Variants in MTHFD1L observed in about 807,000 individuals in gnomAD.
The protein encoded by MTHFD1L is monofunctional C1-tetrahydrofolate synthase, mitochondrial.
A neutral mutation model predicts 119.5 loss-of-function variants in MTHFD1L; 81 were observed. The ratio of observed to expected loss-of-function variants is 0.68; its 90% CI spans 0.57 to 0.82. MTHFD1L has a LOEUF of 0.82. Among genes scored for constraint, MTHFD1L ranks in the 40% least tolerant of loss-of-function variants. The probability of loss-of-function intolerance (pLI) is 0.00; values close to 1 mark genes in which losing one functional copy is unlikely to be tolerated. For missense variants in MTHFD1L, 1,125 were observed against 1,253.4 expected (o/e 0.90, Z 1.55); for synonymous variants, 430 against 475.2 (o/e 0.90, Z 1.24).
chr6:151,091,545 C>T (rs1794451263), intron 26 of MTHFD1L, among the ~76,000 whole-genome samples: 1 of 152,084 alleles, frequency 6.6e-6, no homozygotes, highest in South Asian at 2.1e-4. Flanking sequence ...CAGTTTTCAT[C>T]CTGTCTCCAC....
rs1286972037 is a variant in MTHFD1L, at chr6:151,044,311, C to CT, written c.2847+7202dup. ...GGGTACATTCTTTTTTTTTTTTTTT[C>CT]TTTTTTTTGAGACAGAGTCTCACTC... On this transcript the variant is annotated intron_variant, in intron 26 of 27. Transcript: ENST00000367321. Among the ~76,000 whole-genome samples, 28 of 109,850 alleles carry CT rather than the reference C, an allele frequency of 2.5e-4. 1 individual carries two copies. Among genetic ancestry groups the CT allele is most frequent in the East Asian group, 1.1e-3 (4 of 3,536 alleles). 72.1% of individuals were successfully genotyped at this position (109,850 alleles called of 152,430 possible). A position where few individuals can be genotyped will look rare whatever the true frequency, so the allele number is the denominator to read the frequency against.
intron 26 of MTHFD1L, among the ~76,000 whole-genome samples, chr6:151,045,645 T>G (rs1787891889): frequency 6.6e-6 from 1 of 152,136 alleles, no homozygotes; most frequent in Non-Finnish European, 1.5e-5. Context: ...CCTCACTTTG[T>G]TTGTGTCCCT....
chr6:151,014,437 C>T (rs760055362), intron 22 of MTHFD1L, among the ~76,000 whole-genome samples: 14 of 152,334 alleles, frequency 9.2e-5, no homozygotes, highest in Non-Finnish European at 1.6e-4. Flanking sequence ...GGTCTATATA[C>T]AGTTGGCTTT....
chr6:150,866,169 T>G (rs1778260454), intron 1 of MTHFD1L, 120 bp downstream of exon 1: 2 of 1,367,040 alleles, frequency 1.5e-6, no homozygotes, highest in Non-Finnish European at 1.9e-6. Context: ...TGGTGCCAAC[T>G]CATTAGGGGG....
At chr6:150,999,375 C>A (rs1780283221) in intron 20 of MTHFD1L, among the ~76,000 whole-genome samples, 1 of 152,130 alleles carries the variant, frequency 6.6e-6, no homozygotes, top group East Asian at 1.9e-4. Flanking sequence ...GTGTCCAGTT[C>A]TCAGGAGTTG....
chr6:150,989,479 G>T (rs1778764146), intron 20 of MTHFD1L, among the ~76,000 whole-genome samples: 1 of 152,172 alleles, frequency 6.6e-6, no homozygotes, highest in African/African-American at 2.4e-5. Context: ...TATTATTTAT[G>T]TACAGAATAA....
At chr6:150,890,717 C>T (rs530669352) in intron 7 of MTHFD1L, among the ~76,000 whole-genome samples, 4 of 152,036 alleles carry the variant, frequency 2.6e-5, no homozygotes, top group South Asian at 4.2e-4. Context: ...CAGAGCAGGA[C>T]GGAAAGTCTA....
rs148181190 is a variant in MTHFD1L, at chr6:151,006,908, C to T, written c.2126-2911C>T. Among the ~76,000 whole-genome samples, 92 of 152,018 alleles carry T rather than the reference C, an allele frequency of 6.1e-4. 1 individual carries two copies. The highest frequency in any genetic ancestry group is 8.2e-4 in the Non-Finnish European group (56 of 67,978). On this transcript the variant is annotated intron_variant, in intron 20 of 27. Transcript: ENST00000367321. The stretch of plus-strand genomic sequence containing the variant: ...CAACAATCTACCTCCAACTATAGGG[C>T]GACATTAAACAGTTTTTCAAAATAC...
chr6:151,042,406 T>G (rs1452097283), intron 26 of MTHFD1L, among the ~76,000 whole-genome samples: 1 of 152,220 alleles, frequency 6.6e-6, no homozygotes, highest in African/African-American at 2.4e-5. Flanking sequence ...ATCTTTGATA[T>G]GGGAAGAAAC....
intron 26 of MTHFD1L, among the ~76,000 whole-genome samples, chr6:151,079,255 T>C (rs1204455586): frequency 6.8e-6 from 1 of 147,086 alleles, no homozygotes; most frequent in African/African-American, 2.5e-5. Flanking sequence ...GGAGTAGGGG[T>C]AGTAGGATAT....
intron 26 of MTHFD1L, among the ~76,000 whole-genome samples, chr6:151,052,326 T>A (rs1789189401): frequency 6.6e-6 from 1 of 152,208 alleles, no homozygotes; most frequent in Admixed American, 6.5e-5. Flanking sequence ...AAAACATTCT[T>A]GCGTGTCTGC....
rs757199222 is a variant in MTHFD1L at position 150,926,248 on chromosome 6, A to G, written c.1209A>G (p.Leu403=). ...KSKAKVRLSV[L]ERLKDQADGK... is the part of the protein sequence containing the mutation. ...AAGCCAAAGTACGTTTGTCCGTGCT[A>G]GAAAGGTTAAAGGATCAAGCAGATG... is the stretch of plus-strand genomic sequence containing the variant. The change falls in exon 11 of 28, where the codon CTA becomes CTG. Residue 403 remains leucine (L), a synonymous_variant. Transcript: ENST00000367321. The surrounding 1 kb of genome is among the most constrained non-coding windows in gnomAD (Gnocchi z 4.3). 2.5e-6 allele frequency: 4 copies of G among 1,613,994 alleles called. No individual in the cohort carries two copies. In the African/African-American group the frequency reaches 4.0e-5, roughly 16 times the overall value.
chr6:150,927,445 A>G (rs1397739391), intron 11 of MTHFD1L, among the ~76,000 whole-genome samples: 1 of 145,262 alleles, frequency 6.9e-6, no homozygotes, highest in East Asian at 2.1e-4. Context: ...CATCACTCAC[A>G]TCCCAGATTC....
At chr6:150,905,278 T>C (rs1383881859) in intron 7 of MTHFD1L, among the ~76,000 whole-genome samples, 3 of 152,022 alleles carry the variant, frequency 2.0e-5, no homozygotes, top group Non-Finnish European at 4.4e-5. Flanking sequence ...GTGATCCACC[T>C]GCCTCAGCCT....
At chr6:151,033,049 G>C (rs1785573418) in intron 24 of MTHFD1L, among the ~76,000 whole-genome samples, 1 of 151,902 alleles carries the variant, frequency 6.6e-6, no homozygotes, top group African/African-American at 2.4e-5. Context: ...GTTGACATCT[G>C]TTCCATCAGC....
chr6:150,999,277 T>C (rs937779210), intron 20 of MTHFD1L, among the ~76,000 whole-genome samples: 3 of 152,200 alleles, frequency 2.0e-5, no homozygotes, highest in African/African-American at 7.2e-5. Flanking sequence ...CAGTAAAAAG[T>C]GTTCTGTGTC....
chr6:150,885,649 C>A lies in MTHFD1L; in HGVS notation c.558C>A (p.Asn186Lys). Reference protein sequence around the residue: ...EKDVDGVTDINLGKLVRGDAH... With the variant: ...EKDVDGVTDIKLGKLVRGDAH... ...TCTGATTCAGAGTAACAGACATAAACCTGGGGAAGCTGGTGCGAGGGGATG... is the reference window on the plus strand; with the variant it reads ...TCTGATTCAGAGTAACAGACATAAAACTGGGGAAGCTGGTGCGAGGGGATG... Residue 186 changes from asparagine to lysine, a missense_variant, in exon 6 of 28, where the codon AAC becomes AAA. This residue lies in a region of MTHFD1L where 1,058 missense variants were observed against 1,151.2 expected (regional missense o/e 0.92). Coordinates refer to ENST00000367321, the MANE Select transcript of MTHFD1L (RefSeq NM_015440.5). 1 of 1,613,716 alleles carries A rather than the reference C, an allele frequency of 6.2e-7. No individual in the cohort carries two copies.
At chr6:150,916,292 CTTTTTTTTTTTTT>C (rs71554488) in intron 8 of MTHFD1L, among the ~76,000 whole-genome samples, 3 of 39,986 alleles carry the variant, frequency 7.5e-5, no homozygotes, top group African/African-American at 9.8e-5. Flanking sequence ...AAGGTAGAAT[CTTTTTTTTTTTTT>C]TTTTTTTTTT....
chr6:150,998,001 C>T (rs1392522190), intron 20 of MTHFD1L, among the ~76,000 whole-genome samples: 3 of 152,116 alleles, frequency 2.0e-5, no homozygotes, highest in African/African-American at 7.2e-5. Context: ...AGACTCTGTG[C>T]CTGTGACTCT....
Sources: allele counts gnomAD v4.1 joint callset (sites outside exome capture counted in the v4.1 genomes callset), GRCh38; gene constraint gnomAD v4.1.1; regional missense constraint gnomAD v4.1.1; non-coding constraint Gnocchi (gnomAD v3.1); transcripts MANE v1.5; gene names NCBI Gene and HGNC (gene_info 2026-07-23, HGNC 2026-07-21).